The following SCAPER variants were observed in gnomAD, a reference collection of about 807,000 sequenced individuals.
The protein encoded by SCAPER is S phase cyclin A-associated protein in the endoplasmic reticulum.
SCAPER carries 98 observed loss-of-function variants against 182.2 expected under a neutral mutation model. The ratio of observed to expected loss-of-function variants is 0.54; its 90% CI spans 0.46 to 0.64. The LOEUF is 0.64. Among genes scored for constraint, SCAPER ranks in the 30% least tolerant of loss-of-function variants. The pLI, the probability that SCAPER is intolerant of heterozygous loss-of-function variation, is 0.00. For missense variants in SCAPER, 1,432 were observed against 1,690.0 expected (o/e 0.85, Z 2.68); for synonymous variants, 605 against 564.6 (o/e 1.07, Z -1.01).
At chr15:76,752,245 A>C (rs912323547) in intron 15 of SCAPER, among the ~76,000 whole-genome samples, 1 of 151,774 alleles carries the variant, frequency 6.6e-6, no homozygotes, top group Admixed American at 6.6e-5. Flanking sequence ...GTTAGAGAGG[A>C]TATGGAATAA....
chr15:76,675,772 G>A (rs1309762154), intron 20 of SCAPER, among the ~76,000 whole-genome samples: 2 of 151,952 alleles, frequency 1.3e-5, no homozygotes, highest in Non-Finnish European at 2.9e-5. Flanking sequence ...TTCTGTATTT[G>A]GGCATGCAGC....
intron 22 of SCAPER, among the ~76,000 whole-genome samples, chr15:76,600,113 A>C (rs1483791994): frequency 8.2e-6 from 1 of 121,368 alleles, no homozygotes; most frequent in African/African-American, 2.5e-5. Context: ...ATATATGTAG[A>C]GGATACATAA....
At chr15:76,823,952 G>T (rs771889480) in intron 5 of SCAPER, among the ~76,000 whole-genome samples, 1 of 151,460 alleles carries the variant, frequency 6.6e-6, no homozygotes, top group South Asian at 2.1e-4. Flanking sequence ...AATATAAGCC[G>T]CTATACTTCA....
intron 31 of SCAPER, chr15:76,349,007 T>C (rs2040356063): frequency 4.4e-6 from 1 of 226,560 alleles, no homozygotes; most frequent in Non-Finnish European, 8.6e-6. Context: ...AAAGATGTTT[T>C]TGGACTCCAC....
intron 21 of SCAPER, among the ~76,000 whole-genome samples, chr15:76,631,312 G>T (rs2053088415): frequency 6.6e-6 from 1 of 152,180 alleles, no homozygotes; most frequent in African/African-American, 2.4e-5. Context: ...ATTGTTATGT[G>T]TGGATTTGAT....
At chr15:76,559,196 A>C (rs2046410943) in intron 23 of SCAPER, among the ~76,000 whole-genome samples, 1 of 120,416 alleles carries the variant, frequency 8.3e-6, no homozygotes, top group African/African-American at 3.0e-5. Flanking sequence ...CACCACACCC[A>C]GCTAATTTTT....
At chr15:76,570,489 T>G (rs896810628) in intron 23 of SCAPER, among the ~76,000 whole-genome samples, 4 of 152,186 alleles carry the variant, frequency 2.6e-5, no homozygotes, top group Admixed American at 1.3e-4. Flanking sequence ...TTTCATATTT[T>G]ATCTAGTTTT....
chr15:76,749,986 T>C (rs192358263), intron 15 of SCAPER, among the ~76,000 whole-genome samples: 145 of 151,956 alleles, frequency 9.5e-4, no homozygotes, highest in Non-Finnish European at 1.3e-3. Flanking sequence ...CAATTTATTA[T>C]AAAGGTACAA....
At chr15:76,643,735 T>G (rs1212230636) in intron 21 of SCAPER, among the ~76,000 whole-genome samples, 2 of 152,186 alleles carry the variant, frequency 1.3e-5, no homozygotes, top group Non-Finnish European at 2.9e-5. Flanking sequence ...TATCCTCATT[T>G]GTAACACGAG....
At chr15:76,690,913 T>TA (rs150588800) in intron 20 of SCAPER, among the ~76,000 whole-genome samples, 310 of 152,122 alleles carry the variant, frequency 2.0e-3, no homozygotes, top group African/African-American at 6.6e-3. Context: ...CTAAGTGAAA[T>TA]ATGAACACAG....
At chr15:76,662,021 G>A (rs1184519937) in intron 21 of SCAPER, among the ~76,000 whole-genome samples, 1 of 152,158 alleles carries the variant, frequency 6.6e-6, no homozygotes, top group Non-Finnish European at 1.5e-5. Flanking sequence ...ATGAGATCAG[G>A]TCCTTTGCAG....
chr15:76,657,680 C>T (rs2146645077), intron 21 of SCAPER, among the ~76,000 whole-genome samples: 1 of 151,416 alleles, frequency 6.6e-6, no homozygotes, highest in Middle Eastern at 3.5e-3. Flanking sequence ...AAAATGCTAG[C>T]AAACTAAACC....
At chr15:76,786,326 CAAAAA>C (rs35708368) in intron 8 of SCAPER, among the ~76,000 whole-genome samples, 3 of 111,002 alleles carry the variant, frequency 2.7e-5, no homozygotes, top group African/African-American at 3.6e-5. Flanking sequence ...GACTCTGTCT[CAAAAA>C]AAAAAAAAAA....
intron 21 of SCAPER, among the ~76,000 whole-genome samples, chr15:76,637,083 GCCACCA>G (rs556604865): frequency 5.3e-5 from 8 of 151,430 alleles, no homozygotes; most frequent in East Asian, 1.9e-4. Context: ...AGGCTATGCA[GCCACCA>G]CCACCACCAC....
chr15:76,630,336 C>G (rs2052990854), intron 21 of SCAPER, among the ~76,000 whole-genome samples: 1 of 151,902 alleles, frequency 6.6e-6, no homozygotes, highest in Admixed American at 6.6e-5. Context: ...CTTTTCTTCT[C>G]CTAGCTTTGG....
intron 26 of SCAPER, among the ~76,000 whole-genome samples, chr15:76,421,594 T>G (rs1361767220): frequency 6.6e-6 from 1 of 152,258 alleles, no homozygotes; most frequent in African/African-American, 2.4e-5. Context: ...TGATGGTAGT[T>G]TCTTTTGCTG....
intron 17 of SCAPER, among the ~76,000 whole-genome samples, chr15:76,720,318 C>T (rs2060146344): frequency 6.6e-6 from 1 of 152,014 alleles, no homozygotes. Flanking sequence ...TTTCTTAATC[C>T]AGTCTATCAT....
At chr15:76,531,737 T>G (rs1481638084) in intron 23 of SCAPER, among the ~76,000 whole-genome samples, 1 of 152,186 alleles carries the variant, frequency 6.6e-6, no homozygotes, top group Non-Finnish European at 1.5e-5. Context: ...CAGAGATATT[T>G]TATTTCCCAG....
intron 20 of SCAPER, among the ~76,000 whole-genome samples, chr15:76,683,401 A>G (rs890679636): frequency 1.9e-4 from 29 of 152,288 alleles, no homozygotes; most frequent in African/African-American, 7.0e-4. Flanking sequence ...GAAATATGGG[A>G]TTATGTAACA....
Sources: allele counts gnomAD v4.1 joint callset (sites outside exome capture counted in the v4.1 genomes callset), GRCh38; gene constraint gnomAD v4.1.1; transcripts MANE v1.5; gene names NCBI Gene and HGNC (gene_info 2026-07-23, HGNC 2026-07-21).